The following CFAP46 variants were observed in gnomAD, a reference collection of about 807,000 sequenced individuals.
CFAP46 encodes the protein cilia- and flagella-associated protein 46.
A neutral mutation model predicts 325.7 loss-of-function variants in CFAP46; 245 were observed. The observed-to-expected ratio is 0.75, with a 90% CI of 0.68 to 0.84. The LOEUF is 0.84. Among genes scored for constraint, CFAP46 ranks in the 40% least tolerant of loss-of-function variants. The pLI, the probability that CFAP46 is intolerant of heterozygous loss-of-function variation, is 0.00. For missense variants in CFAP46, 3,346 were observed against 3,543.0 expected (o/e 0.94, Z 1.41); for synonymous variants, 1,523 against 1,495.9 (o/e 1.02, Z -0.42).
intron 35 of CFAP46, among the ~76,000 whole-genome samples, chr10:132,861,486 T>C (rs2135232070): frequency 6.6e-6 from 1 of 152,276 alleles, no homozygotes; most frequent in African/African-American, 2.4e-5. Flanking sequence ...TTTTAGGGGC[T>C]CCCGCTTGGG....
intron 44 of CFAP46, among the ~76,000 whole-genome samples, chr10:132,840,292 C>T (rs1256191151): frequency 6.6e-6 from 1 of 152,218 alleles, no homozygotes; most frequent in Non-Finnish European, 1.5e-5. Flanking sequence ...ATGCCTGCAT[C>T]ATCTCAGGGA....
Position 132,834,042 on chromosome 10 carries a change from G to A in CFAP46, c.6948C>T (p.His2316=), listed in dbSNP as rs926713038. The change falls in exon 49 of 58, where the codon CAC becomes CAT. Residue 2316 remains histidine, a splice_region_variant and synonymous_variant. Transcript: ENST00000368586. ...AGTGGCCACGCCCGCCCCACTCACT[G>A]TGTTGTCCTGTGGACGTTTTCCTCT... The part of the protein sequence containing the change: ...DKERKTSTGQ[H]STVQPEVADK... 6 of 1,613,848 alleles carry A rather than the reference G, an allele frequency of 3.7e-6. No individual in the cohort carries two copies. Among genetic ancestry groups the A allele is most frequent in the Non-Finnish European group, 5.1e-6 (6 of 1,179,816 alleles).
Position 132,879,522 on chromosome 10 carries a change from G to A in CFAP46, c.3909C>T (p.Arg1303=), listed in dbSNP as rs573926112. Residue 1303 remains arginine, a synonymous_variant, in exon 29 of 58, where the codon CGC becomes CGT. Coordinates refer to ENST00000368586, the MANE Select transcript of CFAP46 (RefSeq NM_001200049.3). ...RSVRQLEALA[R]VHILLALVLS... is the part of the protein sequence containing the mutation. ...GCACCAGGGCCAGCAGGATGTGCAC[G>A]CGGGCCAGCGCCTCCAGCTGCCGCA... 1.3e-3 allele frequency: 2,037 copies of A among 1,547,150 alleles called. 18 individuals carry two copies. In the South Asian group the frequency reaches 0.013, roughly 10 times the overall value.
At chr10:132,831,586 G>C (rs1033453381) in intron 50 of CFAP46, among the ~76,000 whole-genome samples, 3 of 151,946 alleles carry the variant, frequency 2.0e-5, no homozygotes, top group African/African-American at 7.3e-5. Flanking sequence ...TAAGAGATAA[G>C]GTTTTTCCAT....
intron 54 of CFAP46, among the ~76,000 whole-genome samples, chr10:132,813,529 G>A (rs1847626718): frequency 7.9e-6 from 1 of 125,934 alleles, no homozygotes; most frequent in Admixed American, 7.8e-5. Flanking sequence ...ACCTGCCCCT[G>A]CAGCCCCGCC....
At chr10:132,865,034 G>T (rs1266544566) in intron 35 of CFAP46, among the ~76,000 whole-genome samples, 1 of 152,182 alleles carries the variant, frequency 6.6e-6, no homozygotes, top group African/African-American at 2.4e-5. Flanking sequence ...AGGCTTTGAT[G>T]GGCATCACTG....
intron 3 of CFAP46, 143 bp from the exon 4 acceptor site, chr10:132,941,203 C>G: frequency 9.6e-6 from 8 of 834,834 alleles, no homozygotes; most frequent in Non-Finnish European, 1.6e-5. Context: ...GTGTGGCAGA[C>G]ACAGCCTGAG....
chr10:132,916,806 G>C, intron 16 of CFAP46, 124 bp from the exon 17 acceptor site: 1 of 1,332,986 alleles, frequency 7.5e-7, no homozygotes, highest in Non-Finnish European at 9.8e-7. Flanking sequence ...TGTGAGACCC[G>C]TTTGCTGTGC....
At chr10:132,922,059 C>A (rs1192333890) in intron 13 of CFAP46, 45 bp downstream of exon 13, 1 of 1,532,084 alleles carries the variant, frequency 6.5e-7, no homozygotes, top group Admixed American at 2.0e-5. Flanking sequence ...GGAGCCATTC[C>A]AAGGTGGACC....
rs368206654 is a variant in CFAP46, at chr10:132,847,148, G to A, written c.6088-37C>T. ...AAGGCTCAGGCTCAGGCCAGGCTCC[G>A]GGCAGAGGCCACACGAGGGGCAGGA... On this transcript the variant is annotated intron_variant, in intron 42 of 57. Coordinates refer to ENST00000368586, the MANE Select transcript of CFAP46 (RefSeq NM_001200049.3). The surrounding 1 kb of genome is among the most constrained non-coding windows in gnomAD (Gnocchi z 5.2). The A allele has an allele frequency of 4.0e-5, 65 of 1,608,056 alleles. No individual in the cohort carries two copies. The highest frequency in any genetic ancestry group is 8.8e-5 in the South Asian group (8 of 90,816).
In CFAP46 at chr10:132,874,719, A is replaced by T. The variant is rs1033936709; in HGVS notation, c.4363-1895T>A. 1.0e-4 allele frequency among the ~76,000 whole-genome samples: 15 copies of T among 143,762 alleles called. 1 individual carries two copies. Among genetic ancestry groups the T allele is most frequent in the Middle Eastern group, 3.3e-3 (1 of 302 alleles). The allele number at this position is 143,762 out of a possible 152,430, so 94.3% of individuals were successfully genotyped here. On this transcript the variant is annotated intron_variant, in intron 31 of 57. Coordinates refer to ENST00000368586, the MANE Select transcript of CFAP46 (RefSeq NM_001200049.3). Reference sequence around the variant, plus strand: ...ATCATCTGCATAGATGGAGAAAGATATAAAAGCATTCATGACTAAAATTAT... The same window carrying T: ...ATCATCTGCATAGATGGAGAAAGATTTAAAAGCATTCATGACTAAAATTAT...
intron 35 of CFAP46, among the ~76,000 whole-genome samples, chr10:132,861,509 G>C (rs184667623): frequency 6.6e-6 from 1 of 152,184 alleles, no homozygotes. Flanking sequence ...GAAAGGCTTC[G>C]GGACAGCCAC....
chr10:132,809,624 C>A lies in CFAP46; in HGVS notation c.7665-720G>T, dbSNP rs1052587775. 1.3e-3 allele frequency among the ~76,000 whole-genome samples: 198 copies of A among 152,324 alleles called. 2 individuals carry two copies. Among genetic ancestry groups the A allele is most frequent in the South Asian group, 1.7e-3 (8 of 4,828 alleles). Reference sequence around the variant, plus strand: ...CTTCTTAGTCAGGGCAGACCACCCCCTCCGTGCACCGCTGAGCGCCTCAAC... The same window carrying A: ...CTTCTTAGTCAGGGCAGACCACCCCATCCGTGCACCGCTGAGCGCCTCAAC... On this transcript the variant is annotated intron_variant, in intron 57 of 57. Transcript: ENST00000368586.
intron 5 of CFAP46, among the ~76,000 whole-genome samples, chr10:132,937,883 A>G (rs1850033909): frequency 6.6e-6 from 1 of 152,180 alleles, no homozygotes; most frequent in African/African-American, 2.4e-5. Flanking sequence ...GCACCGGGGC[A>G]TTTTGAAATG....
intron 36 of CFAP46, 111 bp from the exon 37 acceptor site, chr10:132,860,634 A>G (rs138822196): frequency 0.011 from 12,760 of 1,162,970 alleles, 193 homozygotes; most frequent in Middle Eastern, 0.051. Flanking sequence ...AGGCGGGGGT[A>G]GATACGGGTG....
At chr10:132,845,778 A>G (rs962340047) in intron 44 of CFAP46, among the ~76,000 whole-genome samples, 7 of 152,124 alleles carry the variant, frequency 4.6e-5, no homozygotes, top group African/African-American at 1.7e-4. Context: ...TCTGCTGGTC[A>G]GCTCTTGGCT....
At chr10:132,829,209 C>G (rs1848109761) in intron 50 of CFAP46, among the ~76,000 whole-genome samples, 1 of 151,938 alleles carries the variant, frequency 6.6e-6, no homozygotes, top group South Asian at 2.1e-4. Flanking sequence ...TGATGTTTCT[C>G]TCCATTTGTT....
At chr10:132,811,166 C>A in intron 55 of CFAP46, 135 bp from the exon 56 acceptor site, 1 of 744,046 alleles carries the variant, frequency 1.3e-6, no homozygotes, top group Non-Finnish European at 2.2e-6. Context: ...CGGGCTCCGA[C>A]CTCATGACCG....
intron 39 of CFAP46, among the ~76,000 whole-genome samples, chr10:132,854,834 A>G (rs946396926): frequency 3.9e-5 from 6 of 152,138 alleles, no homozygotes; most frequent in African/African-American, 1.4e-4. Context: ...CCCTGTTTCT[A>G]TGGATTTATC....
Sources: gnomAD v4.1 joint callset for allele counts (sites outside exome capture counted in the v4.1 genomes callset) on GRCh38, gnomAD v4.1.1 for gene constraint, Gnocchi (gnomAD v3.1) non-coding constraint, MANE v1.5 for transcripts, NCBI Gene and HGNC (gene_info 2026-07-23, HGNC 2026-07-21) for gene names.